RB1: variants seen among roughly 807,000 people sequenced by gnomAD.
RB1 encodes the protein retinoblastoma-associated protein.
Under a neutral mutation model 135.4 loss-of-function variants are expected in RB1, and 18 were observed. The ratio of observed to expected loss-of-function variants is 0.13; its 90% CI spans 0.09 to 0.20. The LOEUF (loss-of-function observed/expected upper bound fraction) is 0.20, where lower values mean the gene tolerates loss of function less well. Among genes scored for constraint, RB1 ranks in the 10% least tolerant of loss-of-function variants. The pLI is 1.00. For missense variants in RB1, 868 were observed against 1,110.0 expected, an observed-to-expected ratio of 0.78 and a Z score of 3.10; for synonymous variants, 365 against 373.2, an observed-to-expected ratio of 0.98 and a Z score of 0.25.
chr13:48,424,476 G>A (rs186816819), intron 17 of RB1, among the ~76,000 whole-genome samples: 1 of 152,322 alleles, frequency 6.6e-6, no homozygotes, highest in Admixed American at 6.5e-5. Context: ...GGGAATGATG[G>A]TTGAAGCAGG....
At chr13:48,458,726 A>G (rs1180481051) in intron 19 of RB1, among the ~76,000 whole-genome samples, 1 of 152,218 alleles carries the variant, frequency 6.6e-6, no homozygotes, top group Non-Finnish European at 1.5e-5. Flanking sequence ...AAGTCGTTGA[A>G]AGAGATATAT....
chr13:48,353,107 A>G (rs2138099117), intron 6 of RB1, among the ~76,000 whole-genome samples: 1 of 152,314 alleles, frequency 6.6e-6, no homozygotes, highest in South Asian at 2.1e-4. Flanking sequence ...AGAAAGATCG[A>G]GCAGAAATAA....
At chr13:48,425,082 A>G (rs1440694150) in intron 17 of RB1, among the ~76,000 whole-genome samples, 1 of 152,148 alleles carries the variant, frequency 6.6e-6, no homozygotes, top group Non-Finnish European at 1.5e-5. Flanking sequence ...AGAATACAAA[A>G]CAAAGAAATA....
intron 20 of RB1, among the ~76,000 whole-genome samples, chr13:48,460,203 A>G (rs1949396174): frequency 1.3e-5 from 2 of 151,838 alleles, no homozygotes; most frequent in Non-Finnish European, 2.9e-5. Context: ...TCCTGACCTC[A>G]GGTGATCCGT....
intron 17 of RB1, among the ~76,000 whole-genome samples, 191 bp downstream of exon 17, chr13:48,381,634 C>G (rs1948537165): frequency 6.6e-6 from 1 of 152,164 alleles, no homozygotes; most frequent in Admixed American, 6.5e-5. Context: ...CCTAAACCAT[C>G]TAATACAGCA....
chr13:48,320,756 G>A (rs1952227875), intron 2 of RB1, among the ~76,000 whole-genome samples: 1 of 151,984 alleles, frequency 6.6e-6, no homozygotes, highest in South Asian at 2.1e-4. Context: ...GCTTGAAGCC[G>A]GAAGGTGGAG....
At chr13:48,444,904 C>T (rs1185881429) in intron 17 of RB1, 1 of 152,074 alleles carries the variant, frequency 6.6e-6, no homozygotes, top group Non-Finnish European at 1.5e-5. Flanking sequence ...CCACACCAAA[C>T]GTTATAACAA....
intron 11 of RB1, among the ~76,000 whole-genome samples, chr13:48,372,656 A>T (rs1952772679): frequency 6.6e-6 from 1 of 152,020 alleles, no homozygotes; most frequent in South Asian, 2.1e-4. Flanking sequence ...TTCTCAAAAA[A>T]AAAAAAGAAA....
chr13:48,368,797 G>A (rs1282118602), intron 11 of RB1, among the ~76,000 whole-genome samples, 193 bp downstream of exon 11: 4 of 152,150 alleles, frequency 2.6e-5, no homozygotes, highest in Non-Finnish European at 4.4e-5. Context: ...CCTGAGGTTA[G>A]GAGTTTGAGA....
In RB1 at chr13:48,464,978, T is replaced by TTTTTTTTTTTTTTTC; in HGVS notation, c.2212-16_2212-15insTTTTTTTTTTCTTTT. Reference sequence around the variant, plus strand: ...TTTTACTTTTTTTTTTTTTTTTTTTTTTTTACTGTTCTTCCTCAGACATTC... The same window carrying TTTTTTTTTTTTTTTC: ...TTTTACTTTTTTTTTTTTTTTTTTTTTTTTTTTTTTTTTTCTTTTACTGTTCTTCCTCAGACATTC... On this transcript the variant is annotated intron_variant, in intron 21 of 26. Transcript: ENST00000267163. The TTTTTTTTTTTTTTTC allele has an allele frequency of 6.9e-7, 1 of 1,452,596 alleles. No homozygotes were observed. The highest frequency in any genetic ancestry group is 1.3e-5 in the South Asian group (1 of 74,546). 90.0% of individuals were successfully genotyped at this position (1,452,596 alleles called of 1,614,324 possible).
intron 18 of RB1, among the ~76,000 whole-genome samples, chr13:48,454,356 T>C (rs1949347274): frequency 6.6e-6 from 1 of 152,262 alleles, no homozygotes. Flanking sequence ...ATTTTCATGC[T>C]AACTTGTACC....
intron 17 of RB1, among the ~76,000 whole-genome samples, chr13:48,406,973 T>C (rs947051559): frequency 1.3e-5 from 2 of 152,232 alleles, no homozygotes; most frequent in Non-Finnish European, 2.9e-5. Context: ...TGTTGTTTAG[T>C]CTTACAGTTC....
rs1299654789 is a variant in RB1, at chr13:48,362,871, A to G, written c.775A>G (p.Arg259Gly). 1 of 1,613,950 alleles carries G rather than the reference A, an allele frequency of 6.2e-7. No homozygotes were observed. Among genetic ancestry groups the G allele is most frequent in the East Asian group, 2.2e-5 (1 of 44,798 alleles). Reference protein sequence around the residue: ...SPRTPRRGQNRSARIAKQLEN... With the variant: ...SPRTPRRGQNGSARIAKQLEN... ...TCGAACACCCAGGCGAGGTCAGAACAGGAGTGCACGGATAGCAAAACAACT... is the reference window on the plus strand; with the variant it reads ...TCGAACACCCAGGCGAGGTCAGAACGGGAGTGCACGGATAGCAAAACAACT... The change falls in exon 8 of 27, where the codon AGG (arginine) becomes GGG (glycine). Residue 259 changes from arginine (R) to glycine (G), a missense_variant. Physicochemically the swap from Arg to Gly is moderately radical, Grantham distance 125. Around this residue, in one of 3 missense-constraint regions of RB1, gnomAD observed 641 missense variants for 791.3 expected, o/e 0.81. Transcript: ENST00000267163.
At chr13:48,320,543 A>G (rs1376357180) in intron 2 of RB1, 2 of 498,224 alleles carry the variant, frequency 4.0e-6, no homozygotes, top group Non-Finnish European at 7.3e-6. Context: ...TATACTCAAA[A>G]GGTTGGCAGC....
At chr13:48,336,711 T>C (rs1406527487) in intron 2 of RB1, among the ~76,000 whole-genome samples, 1 of 129,522 alleles carries the variant, frequency 7.7e-6, no homozygotes, top group Non-Finnish European at 1.7e-5. Context: ...TCTTAGTTAT[T>C]TCTTGCCTTC....
chr13:48,372,668 A>T (rs1458796772), intron 11 of RB1, among the ~76,000 whole-genome samples: 2 of 151,920 alleles, frequency 1.3e-5, no homozygotes, highest in African/African-American at 4.8e-5. Flanking sequence ...AAAAAGAAAA[A>T]GAAAAGAAAG....
intron 2 of RB1, chr13:48,328,322 A>C: frequency 6.3e-7 from 1 of 1,588,874 alleles, no homozygotes; most frequent in East Asian, 2.2e-5. Flanking sequence ...GAGTTGGAAC[A>C]GTTTCTTTAG....
In RB1 at chr13:48,480,494, C is replaced by T. The variant is rs1233203850; in HGVS notation, c.*423C>T. 8.6e-6 allele frequency: 2 copies of T among 233,210 alleles called. No homozygotes were observed. Among genetic ancestry groups the T allele is most frequent in the African/African-American group, 2.2e-5 (1 of 45,088 alleles). The allele number at this position is 233,210 out of a possible 1,614,324, so 14.4% of individuals were successfully genotyped here. On this transcript the variant is annotated 3_prime_UTR_variant, in exon 27 of 27. Transcript: ENST00000267163. ...GTATATTTTTTTAATTTAACATGAA[C>T]ACCCTTAGAAAATGTGTCCTATCTA...
In RB1 at chr13:48,319,642, C is replaced by T. The variant is rs574158304; in HGVS notation, c.264+12236C>T. The T allele has an allele frequency of 1.9e-5, 5 of 258,544 alleles. No individual in the cohort carries two copies. The highest frequency in any genetic ancestry group is 6.9e-5 in the African/African-American group (3 of 43,560). 16.0% of individuals were successfully genotyped at this position (258,544 alleles called of 1,614,324 possible). Reference sequence around the variant, plus strand: ...TTGCGAAAGGCGAACTCTTTATGGGCGCCCTTCAGACCCTGCCGATGCGCC... The same window carrying T: ...TTGCGAAAGGCGAACTCTTTATGGGTGCCCTTCAGACCCTGCCGATGCGCC... On this transcript the variant is annotated intron_variant, in intron 2 of 26. Coordinates refer to ENST00000267163, the MANE Select transcript of RB1 (RefSeq NM_000321.3). The surrounding 1 kb of genome is among the most constrained non-coding windows in gnomAD (Gnocchi z 5.0).
Sources: allele counts gnomAD v4.1 joint callset (sites outside exome capture counted in the v4.1 genomes callset), GRCh38; gene constraint gnomAD v4.1.1; regional missense constraint gnomAD v4.1.1; non-coding constraint Gnocchi (gnomAD v3.1); transcripts MANE v1.5; gene names NCBI Gene and HGNC (gene_info 2026-07-23, HGNC 2026-07-21).